Variants in CDH4 observed in about 807,000 individuals in gnomAD.
The protein encoded by CDH4 is cadherin-4.
A neutral mutation model predicts 86.0 loss-of-function variants in CDH4; 33 were observed. The ratio of observed to expected loss-of-function variants is 0.38; its 90% CI spans 0.29 to 0.51. CDH4 has a LOEUF of 0.51. Ranked by LOEUF, CDH4 falls within the 20% of genes least tolerant of loss-of-function variation. The probability of loss-of-function intolerance (pLI) is 0.86; values close to 1 mark genes in which losing one functional copy is unlikely to be tolerated. For missense variants in CDH4, 1,114 were observed against 1,307.4 expected, an observed-to-expected ratio of 0.85 and a Z score of 2.28; for synonymous variants, 555 against 549.4, an observed-to-expected ratio of 1.01 and a Z score of -0.14.
intron 2 of CDH4, among the ~76,000 whole-genome samples, chr20:61,310,042 G>A (rs2084437155): frequency 6.6e-6 from 1 of 152,108 alleles, no homozygotes; most frequent in South Asian, 2.1e-4. Context: ...GAAATGGGTG[G>A]CCTTGTAAAA....
chr20:61,396,351 G>A (rs1353525403), intron 2 of CDH4, among the ~76,000 whole-genome samples: 1 of 152,198 alleles, frequency 6.6e-6, no homozygotes, highest in Admixed American at 6.5e-5. Context: ...GCCTGGGACT[G>A]TGTATGGAAC....
intron 8 of CDH4, 37 bp from the exon 9 acceptor site, chr20:61,910,385 A>G: frequency 6.3e-7 from 1 of 1,594,554 alleles, no homozygotes; most frequent in African/African-American, 1.3e-5. Context: ...TTTACACTTA[A>G]CACGGGTTTG....
At chr20:61,298,592 G>C (rs2084369356) in intron 2 of CDH4, among the ~76,000 whole-genome samples, 1 of 151,442 alleles carries the variant, frequency 6.6e-6, no homozygotes, top group Non-Finnish European at 1.5e-5. Flanking sequence ...GTGTTTTTCT[G>C]TGGTTACCAC....
intron 4 of CDH4, among the ~76,000 whole-genome samples, chr20:61,797,456 T>C (rs962195365): frequency 4.0e-5 from 6 of 151,864 alleles, no homozygotes; most frequent in Admixed American, 2.0e-4. Flanking sequence ...GAAGCTGGGG[T>C]TGTATCAAAA....
At chr20:61,557,784 A>C (rs1398086161) in intron 2 of CDH4, among the ~76,000 whole-genome samples, 1 of 139,386 alleles carries the variant, frequency 7.2e-6, no homozygotes, top group Non-Finnish European at 1.6e-5. Flanking sequence ...TTAATCACTC[A>C]AAGACAAACT....
chr20:61,840,309 G>A (rs139681008), intron 4 of CDH4, among the ~76,000 whole-genome samples: 148 of 152,188 alleles, frequency 9.7e-4, no homozygotes, highest in African/African-American at 3.4e-3. Flanking sequence ...CTCTCTCCCC[G>A]GCTTCCACCC....
At chr20:61,783,498 A>G (rs117066186) in intron 4 of CDH4, among the ~76,000 whole-genome samples, 8,624 of 100,762 alleles carry the variant, frequency 0.086, 547 homozygotes, top group Middle Eastern at 0.16. Flanking sequence ...GTGCCCCCGA[A>G]AGAAATGTAA....
At chr20:61,401,072 C>G (rs956007629) in intron 2 of CDH4, among the ~76,000 whole-genome samples, 6 of 152,242 alleles carry the variant, frequency 3.9e-5, no homozygotes, top group African/African-American at 1.4e-4. Context: ...GACCCTGTTT[C>G]TGGGCCATGC....
intron 2 of CDH4, among the ~76,000 whole-genome samples, chr20:61,565,287 TG>T (rs2086277671): frequency 5.8e-5 from 1 of 17,360 alleles, no homozygotes; most frequent in Non-Finnish European, 9.1e-5. Flanking sequence ...GGTGATGGGG[TG>T]ATGGTGGTGG....
chr20:61,342,612 G>A (rs192164889), intron 2 of CDH4, among the ~76,000 whole-genome samples: 7 of 152,338 alleles, frequency 4.6e-5, no homozygotes, highest in Non-Finnish European at 8.8e-5. Flanking sequence ...GCTCACCTGC[G>A]ATGCAGCCCT....
chr20:61,887,524 C>T (rs2122841492), intron 7 of CDH4, among the ~76,000 whole-genome samples: 1 of 147,470 alleles, frequency 6.8e-6, no homozygotes, highest in South Asian at 2.1e-4. Context: ...TACACACATG[C>T]ACACACACAA....
At chr20:61,563,627 A>G (rs987856118) in intron 2 of CDH4, among the ~76,000 whole-genome samples, 3 of 152,186 alleles carry the variant, frequency 2.0e-5, no homozygotes, top group African/African-American at 7.2e-5. Context: ...TCACTCTGCC[A>G]GGCAGCAGAT....
At chr20:61,641,696 G>A (rs2087012285) in intron 2 of CDH4, among the ~76,000 whole-genome samples, 1 of 71,670 alleles carries the variant, frequency 1.4e-5, no homozygotes, top group East Asian at 5.0e-4. Flanking sequence ...GACCCACCAG[G>A]CACCACAGCA....
chr20:61,499,397 C>T (rs1251985359), intron 2 of CDH4: 1 of 1,227,006 alleles, frequency 8.1e-7, no homozygotes, highest in Admixed American at 2.3e-5. Flanking sequence ...TTATGCGGGA[C>T]TGGGGTGCAG....
chr20:61,872,164 A>T (rs1983833932), intron 6 of CDH4, among the ~76,000 whole-genome samples: 2 of 152,222 alleles, frequency 1.3e-5, no homozygotes, highest in African/African-American at 4.8e-5. Context: ...GGCACAGTCC[A>T]GCAAATGTCC....
chr20:61,554,815 C>T lies in CDH4; in HGVS notation c.170-188748C>T, dbSNP rs116899691. Among the ~76,000 whole-genome samples the T allele has an allele frequency of 2.8e-3, 422 of 152,318 alleles. 6 individuals carry two copies. Among genetic ancestry groups the T allele is most frequent in the Admixed American group, 0.015 (222 of 15,310 alleles). ...TCACACGTGCACATGTATGCACATG[C>T]GTGTGAGAGTATGTTCGCATCTGTG... On this transcript the variant is annotated intron_variant, in intron 2 of 15. Coordinates refer to ENST00000614565, the MANE Select transcript of CDH4 (RefSeq NM_001794.5).
At chr20:61,492,651 C>A (rs768911984) in intron 2 of CDH4, among the ~76,000 whole-genome samples, 2 of 152,056 alleles carry the variant, frequency 1.3e-5, no homozygotes, top group African/African-American at 4.8e-5. Context: ...CTGGCAATGC[C>A]GTGGTGAAAA....
intron 2 of CDH4, among the ~76,000 whole-genome samples, chr20:61,585,667 G>C (rs2086463775): frequency 6.7e-6 from 1 of 148,198 alleles, no homozygotes; most frequent in African/African-American, 2.5e-5. Flanking sequence ...GATGGTGATT[G>C]TGATGGTGAT....
intron 2 of CDH4, among the ~76,000 whole-genome samples, chr20:61,596,965 C>T (rs947759977): frequency 2.6e-5 from 4 of 152,178 alleles, no homozygotes; most frequent in African/African-American, 7.2e-5. Context: ...GTTATCAAAA[C>T]ATTAAAAACA....
Sources: allele counts gnomAD v4.1 joint callset (sites outside exome capture counted in the v4.1 genomes callset), GRCh38; gene constraint gnomAD v4.1.1; transcripts MANE v1.5; gene names NCBI Gene and HGNC (gene_info 2026-07-23, HGNC 2026-07-21).